Variants in CIT observed in about 807,000 individuals in gnomAD.
The protein encoded by CIT is citron rho-interacting serine/threonine kinase.
Under a neutral mutation model 272.7 loss-of-function variants are expected in CIT, and 79 were observed. The ratio of observed to expected loss-of-function variants is 0.29; its 90% confidence interval spans 0.24 to 0.35. CIT has a LOEUF of 0.35. CIT is among the 10% of genes least tolerant of loss of function. CIT has a pLI of 1.00. For synonymous variants in CIT, 948 were observed against 995.6 expected (o/e 0.95, Z 0.90); for missense variants, 1,909 against 2,618.3 (o/e 0.73, Z 5.91).
chr12:119,717,424 T>C (rs865883062), intron 32 of CIT, among the ~76,000 whole-genome samples: 84 of 140,220 alleles, frequency 6.0e-4, no homozygotes, highest in East Asian at 1.8e-3. Flanking sequence ...CTTTTCTTTT[T>C]TTTTTTTTTT....
intron 9 of CIT, among the ~76,000 whole-genome samples, chr12:119,813,812 G>A (rs1168152180): frequency 6.6e-6 from 1 of 152,186 alleles, no homozygotes; most frequent in Non-Finnish European, 1.5e-5. Context: ...TCCGAGGGAT[G>A]GGGCCCACCA....
intron 9 of CIT, among the ~76,000 whole-genome samples, chr12:119,815,087 CCACACA>C (rs781036533): frequency 9.7e-6 from 1 of 103,038 alleles, no homozygotes; most frequent in Non-Finnish European, 1.9e-5. Flanking sequence ...TGCTCACATA[CCACACA>C]CACACACACA....
At chr12:119,873,651 A>G (rs1236104506) in intron 2 of CIT, among the ~76,000 whole-genome samples, 1 of 152,212 alleles carries the variant, frequency 6.6e-6, no homozygotes, top group Non-Finnish European at 1.5e-5. Flanking sequence ...CTAAGGTTAA[A>G]GACAGACTAT....
chr12:119,733,539 A>C (rs974518465), intron 26 of CIT, among the ~76,000 whole-genome samples: 2 of 152,040 alleles, frequency 1.3e-5, no homozygotes, highest in Admixed American at 6.5e-5. Context: ...CAAAAAAAAA[A>C]AAAACAAAAA....
At chr12:119,708,041 T>C in intron 40 of CIT, 138 bp downstream of exon 40, 2 of 963,908 alleles carry the variant, frequency 2.1e-6, no homozygotes, top group South Asian at 2.6e-5. Flanking sequence ...ATCAATCTCT[T>C]TTCTTTCAAG....
At position 119,701,767 on chromosome 12, in the gene CIT, G is replaced by A. The variant is rs1044990143; in HGVS notation, c.5414-15C>T. The A allele has an allele frequency of 8.7e-6, 14 of 1,614,126 alleles. No homozygotes were observed. The highest frequency in any genetic ancestry group is 1.1e-5 in the Non-Finnish European group (13 of 1,180,048). On this transcript the variant is annotated splice_polypyrimidine_tract_variant and intron_variant, in intron 42 of 47. Transcript: ENST00000392521. ...ATCCAGGAATTCTGTAAAGGCAGGC[G>A]AGAAGCGGGGCTTCAGGAGTGAGTT...
intron 4 of CIT, among the ~76,000 whole-genome samples, chr12:119,851,516 T>C (rs1425605670): frequency 6.6e-6 from 1 of 152,144 alleles, no homozygotes; most frequent in Non-Finnish European, 1.5e-5. Context: ...CTGAACATCT[T>C]GCTATACCAG....
intron 10 of CIT, among the ~76,000 whole-genome samples, chr12:119,797,271 A>G (rs1346594136): frequency 6.6e-6 from 1 of 152,244 alleles, no homozygotes; most frequent in Non-Finnish European, 1.5e-5. Context: ...GATTGTCTGG[A>G]TTAGATTTCC....
chr12:119,788,977 C>CAT (rs1965056094), intron 10 of CIT, among the ~76,000 whole-genome samples: 1 of 152,078 alleles, frequency 6.6e-6, no homozygotes, highest in African/African-American at 2.4e-5. Flanking sequence ...GCAACAATCC[C>CAT]ATAAACAATC....
intron 5 of CIT, among the ~76,000 whole-genome samples, chr12:119,845,644 C>A (rs1566118482): frequency 7.1e-6 from 1 of 140,392 alleles, no homozygotes; most frequent in Non-Finnish European, 1.5e-5. Flanking sequence ...CAGAGCAAGA[C>A]TCTGTCTCAA....
chr12:119,870,524 T>TAGGCAACAC (rs1446726325), intron 2 of CIT, among the ~76,000 whole-genome samples: 1 of 117,046 alleles, frequency 8.5e-6, no homozygotes, highest in Non-Finnish European at 1.6e-5. Flanking sequence ...CACTCCAGCC[T>TAGGCAACAC]AGGCAACACA....
At chr12:119,700,220 G>T (rs1437718320) in intron 44 of CIT, among the ~76,000 whole-genome samples, 1 of 152,220 alleles carries the variant, frequency 6.6e-6, no homozygotes. Context: ...GGCTGGGACT[G>T]TGGGCTGGTG....
chr12:119,717,097 G>A (rs764726992), intron 32 of CIT, among the ~76,000 whole-genome samples: 1 of 152,220 alleles, frequency 6.6e-6, no homozygotes. Context: ...TTGTTGCCCA[G>A]ACTGGAATGC....
chr12:119,811,445 T>C (rs1966847061), intron 9 of CIT, among the ~76,000 whole-genome samples: 1 of 152,204 alleles, frequency 6.6e-6, no homozygotes, highest in Admixed American at 6.5e-5. Flanking sequence ...TTTGGGCTGG[T>C]GATCAATTTT....
intron 9 of CIT, among the ~76,000 whole-genome samples, chr12:119,809,286 G>A (rs1966768106): frequency 6.6e-6 from 1 of 152,108 alleles, no homozygotes; most frequent in Non-Finnish European, 1.5e-5. Flanking sequence ...ATGGGTGGAA[G>A]AGGCTAGTGC....
In CIT at chr12:119,687,800, A is replaced by G. The variant is rs1955660519; in HGVS notation, c.*432T>C. ...ATTAAGAATTCTGTTGTCTTAAAAAAAAAAAAAAAAAAAGGAAAGAAACAA... is the reference window on the plus strand; with the variant it reads ...ATTAAGAATTCTGTTGTCTTAAAAAGAAAAAAAAAAAAAGGAAAGAAACAA... On this transcript the variant is annotated 3_prime_UTR_variant, in exon 48 of 48. Transcript: ENST00000392521. The G allele has an allele frequency of 1.2e-5, 2 of 161,476 alleles. No individual in the cohort carries two copies. Among genetic ancestry groups the G allele is most frequent in the South Asian group, 3.9e-4 (2 of 5,068 alleles). The allele number at this position is 161,476 out of a possible 1,614,324, so 10.0% of individuals were successfully genotyped here.
At chr12:119,787,758 AT>A (rs1349654422) in intron 10 of CIT, among the ~76,000 whole-genome samples, 23 of 119,480 alleles carry the variant, frequency 1.9e-4, no homozygotes, top group African/African-American at 5.6e-4. Context: ...AAGCAAATAA[AT>A]TTAAAAAAAA....
chr12:119,846,560 T>C (rs1442285496), intron 5 of CIT, among the ~76,000 whole-genome samples: 2 of 152,142 alleles, frequency 1.3e-5, no homozygotes, highest in African/African-American at 4.8e-5. Flanking sequence ...AAAATGAAGT[T>C]TATCTTCACA....
chr12:119,766,592 T>C (rs1962480315), intron 19 of CIT, among the ~76,000 whole-genome samples: 1 of 152,204 alleles, frequency 6.6e-6, no homozygotes. Context: ...CAGTCAATAG[T>C]AACTTAATTG....
Sources: gnomAD v4.1 joint callset for allele counts (sites outside exome capture counted in the v4.1 genomes callset) on GRCh38, gnomAD v4.1.1 for gene constraint, MANE v1.5 for transcripts, NCBI Gene and HGNC (gene_info 2026-07-23, HGNC 2026-07-21) for gene names.